The following PPP2R3A variants were observed in gnomAD, a reference collection of about 807,000 sequenced individuals.
PPP2R3A encodes the protein serine/threonine-protein phosphatase 2A regulatory subunit B'' subunit alpha.
In PPP2R3A, 80 loss-of-function variants were observed where a neutral mutation model predicts 106.9. The observed-to-expected ratio is 0.75, with a 90% CI of 0.62 to 0.90. PPP2R3A has a LOEUF of 0.90. Ranked by LOEUF, PPP2R3A falls within the 40% of genes least tolerant of loss-of-function variation. The pLI, the probability that PPP2R3A is intolerant of heterozygous loss-of-function variation, is 0.00. For synonymous variants in PPP2R3A, 483 were observed against 468.3 expected (o/e 1.03, Z -0.41); for missense variants, 1,386 against 1,350.4 (o/e 1.03, Z -0.41).
chr3:136,028,876 G>C (rs1361466576), intron 3 of PPP2R3A, among the ~76,000 whole-genome samples: 1 of 152,062 alleles, frequency 6.6e-6, no homozygotes, highest in East Asian at 1.9e-4. Context: ...TTTTGAGACA[G>C]AGTTTCACTC....
intron 8 of PPP2R3A, among the ~76,000 whole-genome samples, chr3:136,087,261 C>CTCTCTCTCTT (rs1303265760): frequency 7.2e-6 from 1 of 139,730 alleles, no homozygotes; most frequent in Non-Finnish European, 1.5e-5. Context: ...CTCTCTCTCT[C>CTCTCTCTCTT]TCTCTCTCTC....
At chr3:136,010,583 C>G (rs185116433) in intron 2 of PPP2R3A, among the ~76,000 whole-genome samples, 1 of 152,040 alleles carries the variant, frequency 6.6e-6, no homozygotes, top group Non-Finnish European at 1.5e-5. Context: ...CCCGCCACTA[C>G]GCCCGGCTAA....
chr3:136,078,430 A>T lies in PPP2R3A; in HGVS notation c.2608A>T (p.Ile870Leu), dbSNP rs749753658. 6.2e-7 allele frequency: 1 copy of T among 1,609,446 alleles called. No individual in the cohort carries two copies. The highest frequency in any genetic ancestry group is 8.5e-7 in the Non-Finnish European group (1 of 1,176,436). ...GAGTGGAAAAATTACTTCGACAGAG[A>T]TAAGAAAAAGCAACTTTTTGCAAGT... Reference protein sequence around the residue: ...SWSGKITSTEIRKSNFLQTLA... With the variant: ...SWSGKITSTELRKSNFLQTLA... Residue 870 changes from isoleucine to leucine, a missense_variant, in exon 7 of 14, where the codon ATA becomes TTA. Transcript: ENST00000264977.
intron 5 of PPP2R3A, chr3:136,055,218 A>G (rs1935819223): frequency 1.3e-6 from 1 of 762,686 alleles, no homozygotes; most frequent in Non-Finnish European, 2.2e-6. Flanking sequence ...AAAATTAAAA[A>G]GCCAGACATA....
chr3:135,988,252 T>TAAAAAAAA (rs1187748946), intron 1 of PPP2R3A, among the ~76,000 whole-genome samples: 1 of 137,894 alleles, frequency 7.3e-6, no homozygotes, highest in Non-Finnish European at 1.6e-5. Context: ...GTTCAAGGAT[T>TAAAAAAAA]AAAAAAAAAA....
At position 136,146,409 on chromosome 3, in the gene PPP2R3A, CAAG is replaced by C. The variant is rs1396753198; in HGVS notation, c.*1246_*1248del. 1.3e-5 allele frequency: 2 copies of C among 152,092 alleles called. No homozygotes were observed. Among genetic ancestry groups the C allele is most frequent in the Non-Finnish European group, 1.5e-5 (1 of 68,018 alleles). The allele number at this position is 152,092 out of a possible 1,614,324, so 9.4% of individuals were successfully genotyped here. On this transcript the variant is annotated 3_prime_UTR_variant, in exon 14 of 14. Transcript: ENST00000264977. Reference sequence around the variant, plus strand: ...TTTTTTTAACTAGTTCTGAAAGTGTCAAGAATAGCTTCCCTTTCCACCCTACCT... The same window carrying C: ...TTTTTTTAACTAGTTCTGAAAGTGTCAATAGCTTCCCTTTCCACCCTACCT...
Position 136,034,427 on chromosome 3 carries a change from T to C in PPP2R3A, c.2263-6432T>C, listed in dbSNP as rs575134813. Among the ~76,000 whole-genome samples, 15 of 152,344 alleles carry C rather than the reference T, an allele frequency of 9.8e-5. No individual in the cohort carries two copies. The South Asian group carries it at 2.9e-3, about 29-fold the overall frequency. The stretch of plus-strand genomic sequence containing the variant: ...GAGGGTTTGATAGGTTGTGTCACTA[T>C]TGTCATTCAGTTTGAAGAATGTTTT... On this transcript the variant is annotated intron_variant, in intron 3 of 13. Coordinates refer to ENST00000264977, the MANE Select transcript of PPP2R3A (RefSeq NM_002718.5).
chr3:136,136,094 A>ATATATATATATAT (rs1169806652), intron 13 of PPP2R3A, among the ~76,000 whole-genome samples: 3 of 142,260 alleles, frequency 2.1e-5, no homozygotes, highest in Non-Finnish European at 3.0e-5. Context: ...ATATATATAT[A>ATATATATATATAT]AAAAACATCA....
At chr3:136,076,996 C>CAAGA (rs1936620199) in intron 6 of PPP2R3A, among the ~76,000 whole-genome samples, 1 of 149,420 alleles carries the variant, frequency 6.7e-6, no homozygotes, top group Admixed American at 6.6e-5. Flanking sequence ...GAATACAAGT[C>CAAGA]AAGAAAGACC....
chr3:136,071,843 T>A (rs568119154), intron 6 of PPP2R3A, among the ~76,000 whole-genome samples: 1 of 152,272 alleles, frequency 6.6e-6, no homozygotes, highest in African/African-American at 2.4e-5. Flanking sequence ...CCAAACCCAC[T>A]TCTGCCTCAC....
At chr3:136,038,789 C>T (rs1935165494) in intron 3 of PPP2R3A, among the ~76,000 whole-genome samples, 1 of 152,214 alleles carries the variant, frequency 6.6e-6, no homozygotes, top group South Asian at 2.1e-4. Context: ...GTGGATTCAA[C>T]AGCTTATACA....
At chr3:136,078,917 A>G (rs1936686341) in intron 7 of PPP2R3A, among the ~76,000 whole-genome samples, 1 of 152,232 alleles carries the variant, frequency 6.6e-6, no homozygotes, top group South Asian at 2.1e-4. Flanking sequence ...CATTTCATTC[A>G]ATTATTTTAT....
At chr3:136,011,213 CT>C (rs1169168650) in intron 2 of PPP2R3A, among the ~76,000 whole-genome samples, 4 of 152,010 alleles carry the variant, frequency 2.6e-5, no homozygotes, top group African/African-American at 9.7e-5. Context: ...CCCTTTCCCC[CT>C]CTACTGTTTT....
intron 5 of PPP2R3A, among the ~76,000 whole-genome samples, 154 bp downstream of exon 5, chr3:136,049,515 C>T (rs1027141793): frequency 1.4e-5 from 2 of 147,936 alleles, no homozygotes; most frequent in Non-Finnish European, 3.0e-5. Flanking sequence ...CAGTAAGATC[C>T]TCTCGTTAAA....
intron 13 of PPP2R3A, among the ~76,000 whole-genome samples, chr3:136,139,109 T>A (rs76041771): frequency 0.017 from 2,578 of 152,222 alleles, 77 homozygotes; most frequent in African/African-American, 0.059. Flanking sequence ...TTTGTCCCTG[T>A]AAATAGTCAG....
At chr3:136,142,476 A>T (rs1938917708) in intron 13 of PPP2R3A, among the ~76,000 whole-genome samples, 1 of 152,250 alleles carries the variant, frequency 6.6e-6, no homozygotes, top group Non-Finnish European at 1.5e-5. Flanking sequence ...CAAATGTTTT[A>T]TTCAAAAATG....
At chr3:136,052,668 G>A (rs1935722661) in intron 5 of PPP2R3A, among the ~76,000 whole-genome samples, 1 of 152,146 alleles carries the variant, frequency 6.6e-6, no homozygotes, top group Admixed American at 6.5e-5. Flanking sequence ...TGTAAATTAA[G>A]TTTAGACTAA....
intron 5 of PPP2R3A, among the ~76,000 whole-genome samples, chr3:136,052,335 C>T (rs1935712181): frequency 6.6e-6 from 1 of 152,088 alleles, no homozygotes; most frequent in South Asian, 2.1e-4. Context: ...GCATTTCTTC[C>T]CTGCTCTCTG....
At chr3:136,013,355 C>T (rs917708617) in intron 2 of PPP2R3A, among the ~76,000 whole-genome samples, 1 of 152,120 alleles carries the variant, frequency 6.6e-6, no homozygotes, top group African/African-American at 2.4e-5. Context: ...ACTTCTCTTC[C>T]TCTGGGTAGA....
Sources: gnomAD v4.1 joint callset for allele counts (sites outside exome capture counted in the v4.1 genomes callset) on GRCh38, gnomAD v4.1.1 for gene constraint, MANE v1.5 for transcripts, NCBI Gene and HGNC (gene_info 2026-07-23, HGNC 2026-07-21) for gene names.